Variants in ILDR2 observed in about 807,000 individuals in gnomAD.
ILDR2 encodes immunoglobulin like domain containing receptor 2.
ILDR2 carries 25 observed loss-of-function variants against 66.8 expected under a neutral mutation model. The ratio of observed to expected loss-of-function variants is 0.37; its 90% CI spans 0.27 to 0.52. The LOEUF (loss-of-function observed/expected upper bound fraction) is 0.52, where lower values mean the gene tolerates loss of function less well. ILDR2 is among the 20% of genes least tolerant of loss of function. ILDR2 has a pLI of 0.88. For synonymous variants in ILDR2, 367 were observed against 357.2 expected (o/e 1.03, Z -0.31); for missense variants, 827 against 876.8 (o/e 0.94, Z 0.72).
rs1400524705 is a variant in ILDR2 at position 166,919,315 on chromosome 1, CA to C, written c.*39del. The C allele has an allele frequency of 5.0e-6, 8 of 1,585,186 alleles. No homozygotes were observed. The highest frequency in any genetic ancestry group is 6.9e-6 in the Non-Finnish European group (8 of 1,155,458). On this transcript the variant is annotated 3_prime_UTR_variant, in exon 10 of 10. Coordinates refer to ENST00000271417, the MANE Select transcript of ILDR2 (RefSeq NM_199351.3). The stretch of plus-strand genomic sequence containing the variant: ...AGATTTGTGTCTTGTCCCCGTAGTC[CA>C]TGTCTGATTTCTCATTATCCAGAGA...
chr1:166,936,205 T>C lies in ILDR2; in HGVS notation c.703+386A>G, dbSNP rs985967211. ...CCACAGTTTGCACACTCTTCTCATA[T>C]AAAAAGGAACTTCTCTGCATGGGAA... is the stretch of plus-strand genomic sequence containing the variant. On this transcript the variant is annotated intron_variant, in intron 5 of 9. Coordinates refer to ENST00000271417, the MANE Select transcript of ILDR2 (RefSeq NM_199351.3). This position sits in a 1 kb window ranked among gnomAD's most constrained non-coding sequence, Gnocchi z 5.0. 3.3e-5 allele frequency among the ~76,000 whole-genome samples: 5 copies of C among 152,138 alleles called. No individual in the cohort carries two copies. The highest frequency in any genetic ancestry group is 1.2e-4 in the African/African-American group (5 of 41,432).
Position 166,939,586 on chromosome 1 carries a change from G to A in ILDR2, c.500-16C>T. On this transcript the variant is annotated splice_polypyrimidine_tract_variant and intron_variant, in intron 3 of 9. Transcript: ENST00000271417. ...CCTGTCCTGCCTAGAAGAAGTGGAA[G>A]GAAAAGAAGAAGGAAAGTGGTTATT... 2 of 1,612,916 alleles carry A rather than the reference G, an allele frequency of 1.2e-6. No homozygotes were observed. The highest frequency in any genetic ancestry group is 1.7e-6 in the Non-Finnish European group (2 of 1,178,948).
intron 1 of ILDR2, among the ~76,000 whole-genome samples, chr1:166,961,042 T>C (rs1662582352): frequency 6.6e-6 from 1 of 152,198 alleles, no homozygotes; most frequent in South Asian, 2.1e-4. Flanking sequence ...CCACACCCCT[T>C]TTCTGCTCCA....
At chr1:166,898,846 GCCAGGAGCTCAAAGA>G (rs1341607460) in intron 2 of ILDR2, among the ~76,000 whole-genome samples, 5 of 151,706 alleles carry the variant, frequency 3.3e-5, no homozygotes, top group South Asian at 2.1e-4. Context: ...ATTGCTTGAA[GCCAGGAGCTCAAAGA>G]CCAGCCTGAG....
chr1:166,937,004 G>A (rs1014080893), intron 4 of ILDR2, among the ~76,000 whole-genome samples: 6 of 152,140 alleles, frequency 3.9e-5, no homozygotes, highest in Non-Finnish European at 5.9e-5. Flanking sequence ...ACAATGTGGG[G>A]ATTTCAGAGT....
chr1:166,918,646 A>T lies in ILDR2; in HGVS notation c.*709T>A, dbSNP rs1659732626. On this transcript the variant is annotated 3_prime_UTR_variant, in exon 10 of 10. Transcript: ENST00000271417. ...TTGACATGTGCAGCAGAAAAGGAAAAAGCAGTTTACGTTCTCAGAATGGAA... is the reference window on the plus strand; with the variant it reads ...TTGACATGTGCAGCAGAAAAGGAAATAGCAGTTTACGTTCTCAGAATGGAA... The T allele has an allele frequency of 6.6e-6, 1 of 152,250 alleles. No homozygotes were observed. The allele number at this position is 152,250 out of a possible 1,614,324, so 9.4% of individuals were successfully genotyped here.
chr1:166,927,525 A>T (rs1471907651), intron 6 of ILDR2, among the ~76,000 whole-genome samples: 1 of 152,196 alleles, frequency 6.6e-6, no homozygotes, highest in Non-Finnish European at 1.5e-5. Flanking sequence ...GCATATTCAC[A>T]CTAAAAAAAG....
intron 3 of ILDR2, among the ~76,000 whole-genome samples, chr1:166,943,491 CAAAAAAAAAAAA>C (rs11366097): frequency 2.7e-5 from 2 of 74,508 alleles, no homozygotes; most frequent in African/African-American, 5.5e-5. Context: ...GACTCCGTCT[CAAAAAAAAAAAA>C]AAAAAAAAAA....
intron 7 of ILDR2, among the ~76,000 whole-genome samples, chr1:166,923,108 G>C (rs1021773211): frequency 1.3e-5 from 2 of 152,192 alleles, no homozygotes; most frequent in Non-Finnish European, 2.9e-5. Context: ...CAGGATCTCT[G>C]TTGCTGGCCT....
chr1:166,924,673 C>CCA (rs1660168218), intron 7 of ILDR2, among the ~76,000 whole-genome samples: 1 of 152,148 alleles, frequency 6.6e-6, no homozygotes, highest in Admixed American at 6.5e-5. Flanking sequence ...ATAGATGCAA[C>CCA]ATAAGTGAAT....
At chr1:166,925,207 C>T (rs1660206939) in intron 7 of ILDR2, among the ~76,000 whole-genome samples, 1 of 152,208 alleles carries the variant, frequency 6.6e-6, no homozygotes, top group Non-Finnish European at 1.5e-5. Flanking sequence ...ATCTGTTACT[C>T]TCCTGCCCCA....
intron 4 of ILDR2, among the ~76,000 whole-genome samples, chr1:166,938,796 T>C (rs1661135085): frequency 1.3e-5 from 2 of 152,212 alleles, no homozygotes; most frequent in Non-Finnish European, 2.9e-5. Context: ...AGTTTAGATA[T>C]GTTCTTCCCC....
At chr1:166,895,960 G>A (rs1175457736) in exon 3 of ILDR2, 4 of 152,062 alleles carry the variant, frequency 2.6e-5, no homozygotes, top group Non-Finnish European at 5.9e-5. Flanking sequence ...CATTCTTCTC[G>A]ATGTTCCTAT....
rs1008884187 is a variant in ILDR2 at position 166,912,014 on chromosome 1, G to A, written c.*7341C>T. 18 of 152,092 alleles carry A rather than the reference G, an allele frequency of 1.2e-4. No homozygotes were observed. Among genetic ancestry groups the A allele is most frequent in the South Asian group, 4.2e-4 (2 of 4,818 alleles). The allele number at this position is 152,092 out of a possible 1,614,324, so 9.4% of individuals were successfully genotyped here. On this transcript the variant is annotated 3_prime_UTR_variant, in exon 10 of 10. Transcript: ENST00000271417. Reference sequence around the variant, plus strand: ...ATATTTAATGGGAAATCCAATCCACGGATTTAGGAAACACCACAAATCCTA... The same window carrying A: ...ATATTTAATGGGAAATCCAATCCACAGATTTAGGAAACACCACAAATCCTA...
chr1:166,898,901 A>G (rs1659214930), intron 2 of ILDR2, among the ~76,000 whole-genome samples: 1 of 151,932 alleles, frequency 6.6e-6, no homozygotes, highest in South Asian at 2.1e-4. Flanking sequence ...CTTAAAAAAA[A>G]AAAAAGAAAT....
In ILDR2 at chr1:166,911,501, C is replaced by T. The variant is rs1462696617; in HGVS notation, c.*7854G>A. ...CCACACATGAGCTTAAAATAAAAAA[C>T]TATAAAACCCATAAAGAAACAAAAA... On this transcript the variant is annotated 3_prime_UTR_variant, in exon 10 of 10. Coordinates refer to ENST00000271417, the MANE Select transcript of ILDR2 (RefSeq NM_199351.3). The T allele has an allele frequency of 1.3e-5, 2 of 151,908 alleles. No individual in the cohort carries two copies. The highest frequency in any genetic ancestry group is 2.9e-5 in the Non-Finnish European group (2 of 67,964). 9.4% of individuals were successfully genotyped at this position (151,908 alleles called of 1,614,324 possible). A position where few individuals can be genotyped will look rare whatever the true frequency, so the allele number is the denominator to read the frequency against.
intron 4 of ILDR2, among the ~76,000 whole-genome samples, chr1:166,939,140 A>C (rs1397490085): frequency 6.6e-6 from 1 of 152,252 alleles, no homozygotes; most frequent in Non-Finnish European, 1.5e-5. Context: ...TACAATAATG[A>C]ATCAGTAAAC....
chr1:166,966,128 TA>T (rs936193484), intron 1 of ILDR2, among the ~76,000 whole-genome samples: 11 of 151,572 alleles, frequency 7.3e-5, no homozygotes, highest in South Asian at 2.1e-4. Context: ...AAACTTGTGT[TA>T]AAAAAAAACC....
intron 3 of ILDR2, among the ~76,000 whole-genome samples, chr1:166,943,406 G>A (rs1367920318): frequency 2.0e-5 from 3 of 148,678 alleles, no homozygotes; most frequent in Non-Finnish European, 4.5e-5. Flanking sequence ...GCAGGAGAAT[G>A]GCGTAAACCC....
Sources: gnomAD v4.1 joint callset for allele counts (sites outside exome capture counted in the v4.1 genomes callset) on GRCh38, gnomAD v4.1.1 for gene constraint, Gnocchi (gnomAD v3.1) non-coding constraint, MANE v1.5 for transcripts, NCBI Gene and HGNC (gene_info 2026-07-23, HGNC 2026-07-21) for gene names.